The following ANKRD31 variants were observed in gnomAD, a reference collection of about 807,000 sequenced individuals.
The protein encoded by ANKRD31 is ankyrin repeat domain 31.
In ANKRD31, 147 loss-of-function variants were observed where a neutral mutation model predicts 186.0. That is an observed-to-expected ratio of 0.79 (90% CI 0.69 to 0.91). The LOEUF (loss-of-function observed/expected upper bound fraction) is 0.91. Ranked by LOEUF, ANKRD31 falls within the 40% of genes least tolerant of loss-of-function variation. The pLI is 0.00. For synonymous variants in ANKRD31, 673 were observed against 736.4 expected, an observed-to-expected ratio of 0.91 and a Z score of 1.39; for missense variants, 1,986 against 2,148.8, an observed-to-expected ratio of 0.92 and a Z score of 1.50.
At chr5:75,088,244 G>A (rs942355934) in intron 23 of ANKRD31, among the ~76,000 whole-genome samples, 1 of 152,124 alleles carries the variant, frequency 6.6e-6, no homozygotes, top group African/African-American at 2.4e-5. Context: ...GTATGTGTGG[G>A]GGGTGAGGGG....
intron 12 of ANKRD31, 64 bp downstream of exon 12, chr5:75,154,137 T>C: frequency 7.8e-7 from 1 of 1,289,004 alleles, no homozygotes; most frequent in Non-Finnish European, 1.0e-6. Flanking sequence ...TCTTTAATTC[T>C]AAATTAAATT....
intron 11 of ANKRD31, among the ~76,000 whole-genome samples, chr5:75,162,508 A>G (rs1184458266): frequency 6.6e-6 from 1 of 152,150 alleles, no homozygotes; most frequent in Non-Finnish European, 1.5e-5. Flanking sequence ...GAGACTTCGG[A>G]CTGTGGACTT....
At position 75,227,349 on chromosome 5, in the gene ANKRD31, C is replaced by A. The variant is rs146458818; in HGVS notation, c.178+3213G>T. Among the ~76,000 whole-genome samples the A allele has an allele frequency of 4.8e-3, 731 of 152,074 alleles. 6 individuals are homozygous for A. The highest frequency in any genetic ancestry group is 0.017 in the African/African-American group (687 of 41,490). ...AAAAAAATAGAAAGAATGAATAAGA[C>A]CTACTGTTTGCTAGCACAACAGAGT... On this transcript the variant is annotated intron_variant, in intron 2 of 25. Transcript: ENST00000506364.
Position 75,195,882 on chromosome 5 carries a change from T to A in ANKRD31, c.766A>T (p.Ser256Cys). 1 of 1,491,058 alleles carries A rather than the reference T, an allele frequency of 6.7e-7. No individual in the cohort carries two copies. Among genetic ancestry groups the A allele is most frequent in the South Asian group, 1.2e-5 (1 of 82,342 alleles). 92.4% of individuals were successfully genotyped at this position (1,491,058 alleles called of 1,614,324 possible). The change falls in exon 7 of 26, where the codon AGT (serine) becomes TGT (cysteine). Residue 256 changes from serine (S) to cysteine (C), a missense_variant. By Grantham distance (112) the Ser-to-Cys change is moderately radical. Transcript: ENST00000506364. ...ATTGATATGGAACTAAGAGAGTCAC[T>A]CAATGGGTTCATCAATTCTTTACGA... ...FDRKELMNPL[S>C]DSLSSISIPL...
intron 12 of ANKRD31, among the ~76,000 whole-genome samples, chr5:75,152,230 A>G (rs1279430633): frequency 6.6e-6 from 1 of 152,024 alleles, no homozygotes; most frequent in Non-Finnish European, 1.5e-5. Flanking sequence ...TAAGTTGATT[A>G]CTTGCCACCA....
chr5:75,100,552 G>T (rs1746760872), intron 22 of ANKRD31, among the ~76,000 whole-genome samples: 1 of 152,080 alleles, frequency 6.6e-6, no homozygotes, highest in East Asian at 1.9e-4. Flanking sequence ...TATTGTGTGG[G>T]GGTCTAAGTC....
intron 22 of ANKRD31, among the ~76,000 whole-genome samples, chr5:75,096,379 ATTTG>A (rs1746319393): frequency 6.6e-6 from 1 of 151,284 alleles, no homozygotes; most frequent in African/African-American, 2.4e-5. Flanking sequence ...TTTCTTGAGG[ATTTG>A]TTTAAGTTCC....
chr5:75,196,014 C>T lies in ANKRD31; in HGVS notation c.634G>A (p.Asp212Asn). Residue 212 changes from aspartate (D) to asparagine (N), a missense_variant, in exon 7 of 26, where the codon GAT becomes AAT. Asp to Asn is a conservative substitution (Grantham distance 23). Transcript: ENST00000506364. ...AAGGTTTCAAGAGAGCTTTCTTCAT[C>T]CTTAGTTTCTTCAGAAGTCATGGTC... is the stretch of plus-strand genomic sequence containing the variant. ...TMTMTSEETKDEESSLETFVS... is the reference protein window; with the variant it reads ...TMTMTSEETKNEESSLETFVS... The T allele has an allele frequency of 6.5e-7, 1 of 1,533,314 alleles. No homozygotes were observed. The highest frequency in any genetic ancestry group is 8.7e-7 in the Non-Finnish European group (1 of 1,145,568). The allele number at this position is 1,533,314 out of a possible 1,614,324, so 95.0% of individuals were successfully genotyped here. A position where few individuals can be genotyped will look rare whatever the true frequency, so the allele number is the denominator to read the frequency against.
chr5:75,117,200 G>T (rs893524581), intron 18 of ANKRD31, among the ~76,000 whole-genome samples: 16 of 152,042 alleles, frequency 1.1e-4, no homozygotes, highest in African/African-American at 3.9e-4. Flanking sequence ...GTAGATATGT[G>T]GGAATAGATC....
chr5:75,137,638 T>G (rs1750698012), intron 17 of ANKRD31, among the ~76,000 whole-genome samples: 1 of 152,204 alleles, frequency 6.6e-6, no homozygotes, highest in African/African-American at 2.4e-5. Flanking sequence ...GACTTGCATG[T>G]ATTTTGTGAT....
rs757513170 is a variant in ANKRD31 at position 75,146,565 on chromosome 5, T to C, written c.2846A>G (p.Glu949Gly). ...EMGFQQFLLS[E>G]DHLSQENELK... ...CTCATTTTCCTGTGAAAGATGATCT[T>C]CAGAAAGTAAAAACTGTTGGAAACC... Residue 949 changes from glutamate to glycine, a missense_variant, in exon 14 of 26, where the codon GAA (glutamate) becomes GGA (glycine). Transcript: ENST00000506364. 23 of 1,536,242 alleles carry C rather than the reference T, an allele frequency of 1.5e-5. No homozygotes were observed. Among genetic ancestry groups the C allele is most frequent in the Non-Finnish European group, 1.9e-5 (22 of 1,146,378 alleles).
chr5:75,193,281 T>C, intron 8 of ANKRD31, 30 bp downstream of exon 8: 2 of 1,528,568 alleles, frequency 1.3e-6, no homozygotes, highest in South Asian at 2.4e-5. Context: ...ATAGCATACC[T>C]GGAGATAAAG....
intron 10 of ANKRD31, among the ~76,000 whole-genome samples, chr5:75,169,670 G>A (rs1753179092): frequency 6.6e-6 from 1 of 152,144 alleles, no homozygotes; most frequent in Non-Finnish European, 1.5e-5. Flanking sequence ...AAGGACAATG[G>A]TATAAGTTAC....
rs1456451956 is a variant in ANKRD31 at position 75,104,422 on chromosome 5, TA to T, written c.5136del (p.Lys1714AsnfsTer26). 1 of 1,537,112 alleles carries T rather than the reference TA, an allele frequency of 6.5e-7. No homozygotes were observed. The highest frequency in any genetic ancestry group is 8.7e-7 in the Non-Finnish European group (1 of 1,146,916). On this transcript the variant is annotated frameshift_variant, in exon 22 of 26. Coordinates refer to ENST00000506364, the MANE Select transcript of ANKRD31 (RefSeq NM_001372053.1). LOFTEE classifies it high-confidence loss of function. The stretch of plus-strand genomic sequence containing the variant: ...CATGGAACAACAGAAACTGATTTTT[TA>T]AGATATGGTTTCATCTGATGCACTG... ...SDTVHQMKPY[L>X]KKSVSVVPCA...
chr5:75,164,252 C>A (rs942406819), intron 11 of ANKRD31, among the ~76,000 whole-genome samples: 1 of 152,166 alleles, frequency 6.6e-6, no homozygotes, highest in Non-Finnish European at 1.5e-5. Context: ...TGTTCCCAGT[C>A]AACATCTTGA....
In ANKRD31 at chr5:75,146,358, G is replaced by A; in HGVS notation, c.3053C>T (p.Thr1018Ile). 1.3e-6 allele frequency: 2 copies of A among 1,536,488 alleles called. No individual in the cohort carries two copies. The highest frequency in any genetic ancestry group is 1.2e-5 in the South Asian group (1 of 84,042). ...NSLACMRTLLTHEASKLTNHV... is the reference protein window; with the variant it reads ...NSLACMRTLLIHEASKLTNHV... The stretch of plus-strand genomic sequence containing the variant: ...ATTAGTCAACTTTGAAGCCTCATGT[G>A]TCAAAAGTGTTCTCATACAAGCCAG... Residue 1018 changes from threonine (T) to isoleucine (I), a missense_variant, in exon 14 of 26, where the codon ACA becomes ATA. By Grantham distance (89) the Thr-to-Ile change is moderately conservative. Transcript: ENST00000506364.
At chr5:75,126,933 A>C (rs904266651) in intron 17 of ANKRD31, among the ~76,000 whole-genome samples, 1 of 152,186 alleles carries the variant, frequency 6.6e-6, no homozygotes, top group Non-Finnish European at 1.5e-5. Flanking sequence ...GTTAAAAATC[A>C]ACTAATTGGG....
Position 75,131,511 on chromosome 5 carries a change from G to A in ANKRD31, c.3876+6345C>T, listed in dbSNP as rs549504148. ...TTGAGAAGGTAAACAAAGCAGCGGG[G>A]AGGCTCAAAATTGGTGGAGCCCACC... On this transcript the variant is annotated intron_variant, in intron 17 of 25. Coordinates refer to ENST00000506364, the MANE Select transcript of ANKRD31 (RefSeq NM_001372053.1). Among the ~76,000 whole-genome samples, 3 of 152,348 alleles carry A rather than the reference G, an allele frequency of 2.0e-5. No homozygotes were observed. In the East Asian group the frequency reaches 5.8e-4, roughly 29 times the overall value.
chr5:75,086,131 T>A (rs1318983669), intron 23 of ANKRD31, among the ~76,000 whole-genome samples: 1 of 152,242 alleles, frequency 6.6e-6, no homozygotes, highest in African/African-American at 2.4e-5. Context: ...CATAAATCCA[T>A]CAAAGTGCAG....
Sources: allele counts gnomAD v4.1 joint callset (sites outside exome capture counted in the v4.1 genomes callset), GRCh38; gene constraint gnomAD v4.1.1; transcripts MANE v1.5; gene names NCBI Gene and HGNC (gene_info 2026-07-23, HGNC 2026-07-21).